The following SMARCAD1 variants were observed in gnomAD, a reference collection of about 807,000 sequenced individuals.
SMARCAD1 encodes the protein SWI/SNF-related matrix-associated actin-dependent regulator of chromatin subfamily A containing DEAD/H box 1.
A neutral mutation model predicts 127.1 loss-of-function variants in SMARCAD1; 25 were observed. That is an observed-to-expected ratio of 0.20 (90% CI 0.14 to 0.27). The LOEUF is 0.27. Among genes scored for constraint, SMARCAD1 ranks in the 10% least tolerant of loss-of-function variants. SMARCAD1 has a pLI of 1.00. For missense variants in SMARCAD1, 807 were observed against 1,206.0 expected, an observed-to-expected ratio of 0.67 and a Z score of 4.90; for synonymous variants, 400 against 396.9, an observed-to-expected ratio of 1.01 and a Z score of -0.09.
At chr4:94,275,814 TGAGAC>T (rs1753208466) in intron 14 of SMARCAD1, among the ~76,000 whole-genome samples, 1 of 149,316 alleles carries the variant, frequency 6.7e-6, no homozygotes. Context: ...TTTTTTTTTT[TGAGAC>T]GGAGTCTCAC....
rs577583797 is a variant in SMARCAD1 at position 94,290,961 on chromosome 4, C to T, written c.*1427C>T. On this transcript the variant is annotated 3_prime_UTR_variant, in exon 24 of 24. Transcript: ENST00000354268. ...GATATTAAAGACTGAGAACTCACGG[C>T]TTAACCCCAGTCTTGATGGTATATT... is the stretch of plus-strand genomic sequence containing the variant. 2.2e-6 allele frequency: 1 copy of T among 451,198 alleles called. No homozygotes were observed. The allele number at this position is 451,198 out of a possible 1,614,324, so 27.9% of individuals were successfully genotyped here.
At chr4:94,263,821 T>G (rs914917846) in intron 9 of SMARCAD1, among the ~76,000 whole-genome samples, 1 of 151,952 alleles carries the variant, frequency 6.6e-6, no homozygotes, top group Non-Finnish European at 1.5e-5. Flanking sequence ...TATGGGATTT[T>G]CATTTTTGCC....
intron 11 of SMARCAD1, among the ~76,000 whole-genome samples, chr4:94,272,868 G>T (rs933186901): frequency 6.6e-6 from 1 of 151,724 alleles, no homozygotes; most frequent in African/African-American, 2.4e-5. Context: ...GTGCAGCGGC[G>T]CACTCTCAGC....
chr4:94,240,799 G>A, intron 5 of SMARCAD1, 107 bp from the exon 6 acceptor site: 1 of 769,260 alleles, frequency 1.3e-6, no homozygotes. Context: ...CTGATATCAA[G>A]AGAACTGTCT....
In SMARCAD1 at chr4:94,244,891, AGT is replaced by A. The variant is rs1748185015; in HGVS notation, c.705+3891_705+3892del. On this transcript the variant is annotated intron_variant, in intron 6 of 23. Coordinates refer to ENST00000354268, the MANE Select transcript of SMARCAD1 (RefSeq NM_020159.5). ...CCTCTCTGATAACAGCCCCTTTTTA[AGT>A]GTGTGACAGCAGTGTTTATAGCTTA... Among the ~76,000 whole-genome samples, 3 of 152,280 alleles carry A rather than the reference AGT, an allele frequency of 2.0e-5. No homozygotes were observed. In the South Asian group the frequency reaches 6.2e-4, roughly 32 times the overall value.
chr4:94,218,240 T>C (rs1743514376), intron 2 of SMARCAD1, among the ~76,000 whole-genome samples: 1 of 152,148 alleles, frequency 6.6e-6, no homozygotes, highest in South Asian at 2.1e-4. Context: ...TCAGTGTTAA[T>C]TGCATGACTT....
In SMARCAD1 at chr4:94,252,628, T is replaced by C. The variant is rs7439869; in HGVS notation, c.902T>C (p.Val301Ala). The change falls in exon 9 of 24, where the codon GTA (valine) becomes GCA (alanine). Residue 301 changes from valine (V) to alanine (A), a missense_variant. Val to Ala is a moderately conservative substitution (Grantham distance 64, BLOSUM62 0). Coordinates refer to ENST00000354268, the MANE Select transcript of SMARCAD1 (RefSeq NM_020159.5). ...VFAEDQDMQY[V>A]SQSEVPNGKE... Reference sequence around the variant, plus strand: ...CTTTTATATACAGATATGCAATATGTATCACAAAGTGAGGTTCCAAATGGA... The same window carrying C: ...CTTTTATATACAGATATGCAATATGCATCACAAAGTGAGGTTCCAAATGGA... The C allele has an allele frequency of 0.61, 954,507 of 1,554,320 alleles. 298,631 individuals are homozygous for C. The highest frequency in any genetic ancestry group is 0.91 in the African/African-American group (65,754 of 72,116).
At chr4:94,235,133 A>G (rs1487607735) in intron 4 of SMARCAD1, among the ~76,000 whole-genome samples, 1 of 149,974 alleles carries the variant, frequency 6.7e-6, no homozygotes, top group Non-Finnish European at 1.5e-5. Context: ...TACTATATTT[A>G]TGAAATAATG....
rs1018573507 is a variant in SMARCAD1, at chr4:94,244,874, A to G, written c.705+3868A>G. 5.9e-5 allele frequency among the ~76,000 whole-genome samples: 9 copies of G among 152,270 alleles called. No homozygotes were observed. The South Asian group carries it at 1.9e-3, about 32-fold the overall frequency. Reference sequence around the variant, plus strand: ...TTTGCCTCCAAAAACCACCTCTCTGATAACAGCCCCTTTTTAAGTGTGTGA... The same window carrying G: ...TTTGCCTCCAAAAACCACCTCTCTGGTAACAGCCCCTTTTTAAGTGTGTGA... On this transcript the variant is annotated intron_variant, in intron 6 of 23. Coordinates refer to ENST00000354268, the MANE Select transcript of SMARCAD1 (RefSeq NM_020159.5).
chr4:94,289,455 C>T lies in SMARCAD1; in HGVS notation c.3020-18C>T. On this transcript the variant is annotated intron_variant, in intron 23 of 23. Transcript: ENST00000354268. Reference sequence around the variant, plus strand: ...AAATATTTTTATAAAGCTTTTAATGCTACTTTCTGACCTACAGGTGATGAA... The same window carrying T: ...AAATATTTTTATAAAGCTTTTAATGTTACTTTCTGACCTACAGGTGATGAA... 1 of 1,604,016 alleles carries T rather than the reference C, an allele frequency of 6.2e-7. No individual in the cohort carries two copies. The highest frequency in any genetic ancestry group is 8.5e-7 in the Non-Finnish European group (1 of 1,171,798).
At chr4:94,271,081 C>T (rs190238729) in intron 11 of SMARCAD1, among the ~76,000 whole-genome samples, 217 of 152,206 alleles carry the variant, frequency 1.4e-3, no homozygotes, top group African/African-American at 4.9e-3. Flanking sequence ...ATTAAAAAAT[C>T]GAAATCAAAG....
chr4:94,208,060 C>A lies in SMARCAD1; in HGVS notation c.-60C>A. The A allele has an allele frequency of 2.1e-6, 1 of 485,112 alleles. No individual in the cohort carries two copies. The highest frequency in any genetic ancestry group is 4.0e-6 in the Non-Finnish European group (1 of 248,140). The allele number at this position is 485,112 out of a possible 1,614,324, so 30.1% of individuals were successfully genotyped here. ...GGGGTTATACTGGGGAACGTGCCTG[C>A]GCGTGCTTGGGTAAGAGGAGGTTGC... On this transcript the variant is annotated 5_prime_UTR_variant, in exon 1 of 24. Transcript: ENST00000354268.
intron 3 of SMARCAD1, among the ~76,000 whole-genome samples, chr4:94,228,825 A>G (rs551544785): frequency 6.6e-6 from 1 of 152,198 alleles, no homozygotes; most frequent in East Asian, 1.9e-4. Flanking sequence ...TATCTCTTTA[A>G]ACTCATTTAA....
At chr4:94,229,393 A>G (rs1490034702) in intron 3 of SMARCAD1, among the ~76,000 whole-genome samples, 1 of 152,168 alleles carries the variant, frequency 6.6e-6, no homozygotes, top group Non-Finnish European at 1.5e-5. Flanking sequence ...AAATATCAAA[A>G]TGAAATTATA....
chr4:94,276,312 T>C (rs200103737), intron 14 of SMARCAD1, 27 bp from the exon 15 acceptor site: 58 of 1,613,306 alleles, frequency 3.6e-5, no homozygotes, highest in Admixed American at 1.5e-4. Context: ...GGTATAACCT[T>C]AGAGATGTTT....
intron 3 of SMARCAD1, among the ~76,000 whole-genome samples, chr4:94,229,744 G>A (rs150413551): frequency 6.6e-6 from 1 of 151,874 alleles, no homozygotes; most frequent in African/African-American, 2.4e-5. Flanking sequence ...GGAAATACTC[G>A]GGTGTAGGGG....
intron 12 of SMARCAD1, among the ~76,000 whole-genome samples, chr4:94,274,138 A>T (rs567648639): frequency 1.3e-5 from 2 of 152,298 alleles, no homozygotes; most frequent in South Asian, 4.1e-4. Flanking sequence ...TGTGAATGTA[A>T]CAAAGAAAAC....
chr4:94,250,384 A>G (rs1052523686), intron 7 of SMARCAD1, among the ~76,000 whole-genome samples: 3 of 152,082 alleles, frequency 2.0e-5, no homozygotes, highest in African/African-American at 7.2e-5. Flanking sequence ...TCTTGTTGCA[A>G]TATTGGTTCT....
chr4:94,213,395 A>C (rs1742604150), intron 2 of SMARCAD1, among the ~76,000 whole-genome samples: 1 of 152,118 alleles, frequency 6.6e-6, no homozygotes, highest in Non-Finnish European at 1.5e-5. Context: ...CAAGAGTCTA[A>C]TATGTGTGTG....
Sources: allele counts gnomAD v4.1 joint callset (sites outside exome capture counted in the v4.1 genomes callset), GRCh38; gene constraint gnomAD v4.1.1; transcripts MANE v1.5; gene names NCBI Gene and HGNC (gene_info 2026-07-23, HGNC 2026-07-21).